Variants in CNBD1 observed in about 807,000 individuals in gnomAD.
CNBD1 encodes the protein cyclic nucleotide binding domain containing 1.
Under a neutral mutation model 54.4 loss-of-function variants are expected in CNBD1, and 71 were observed. The observed-to-expected ratio is 1.30, with a 90% CI of 1.08 to 1.59. The LOEUF is 1.59. Among genes scored for constraint, CNBD1 ranks in the 40% most tolerant of loss-of-function variants. CNBD1 has a pLI of 0.00. For missense variants in CNBD1, 659 were observed against 518.0 expected (o/e 1.27, Z -2.64); for synonymous variants, 182 against 170.7 (o/e 1.07, Z -0.51).
chr8:87,312,048 C>T (rs1023499578), intron 8 of CNBD1, among the ~76,000 whole-genome samples: 4 of 151,928 alleles, frequency 2.6e-5, no homozygotes, highest in South Asian at 2.1e-4. Context: ...CACAGCATCA[C>T]GCGATATACC....
intron 4 of CNBD1, among the ~76,000 whole-genome samples, chr8:87,199,493 A>G (rs995577241): frequency 3.3e-5 from 5 of 152,172 alleles, no homozygotes; most frequent in Non-Finnish European, 1.5e-5. Flanking sequence ...CATCACCTGC[A>G]ATAGTTTCTT....
At chr8:87,266,822 G>A (rs549354268) in intron 6 of CNBD1, among the ~76,000 whole-genome samples, 3 of 151,980 alleles carry the variant, frequency 2.0e-5, no homozygotes, top group African/African-American at 7.2e-5. Context: ...TTTGGGTAAG[G>A]GCAGTTGGTT....
chr8:86,909,230 A>G (rs1005499031), intron 3 of CNBD1, among the ~76,000 whole-genome samples: 1 of 152,228 alleles, frequency 6.6e-6, no homozygotes, highest in Admixed American at 6.5e-5. Flanking sequence ...TATATTTAGA[A>G]TACATAATTG....
At chr8:87,375,231 C>A (rs1449501104) in intron 10 of CNBD1, among the ~76,000 whole-genome samples, 1 of 151,534 alleles carries the variant, frequency 6.6e-6, no homozygotes, top group East Asian at 1.9e-4. Flanking sequence ...CAATCTCTGA[C>A]AACACTGTTT....
intron 4 of CNBD1, among the ~76,000 whole-genome samples, chr8:87,065,805 G>T (rs1334447948): frequency 6.6e-6 from 1 of 151,890 alleles, no homozygotes; most frequent in Admixed American, 6.6e-5. Flanking sequence ...ACTGGGACTT[G>T]CTCAAAGACA....
intron 4 of CNBD1, among the ~76,000 whole-genome samples, chr8:86,968,325 T>A (rs1396151215): frequency 6.6e-6 from 1 of 152,158 alleles, no homozygotes; most frequent in East Asian, 1.9e-4. Flanking sequence ...GTTCTGGGGG[T>A]AAAATTCACA....
At chr8:87,032,356 A>G (rs968890797) in intron 4 of CNBD1, among the ~76,000 whole-genome samples, 9 of 152,206 alleles carry the variant, frequency 5.9e-5, no homozygotes, top group Non-Finnish European at 1.2e-4. Context: ...ACAGTCAACA[A>G]ACATATTTTT....
At chr8:87,396,810 G>A (rs76777001) in intron 2 of CNBD1, among the ~76,000 whole-genome samples, 11 of 149,870 alleles carry the variant, frequency 7.3e-5, no homozygotes, top group African/African-American at 1.7e-4. Context: ...CCACCCCCTC[G>A]CTTAAAGTAT....
chr8:87,268,147 A>G lies in CNBD1; in HGVS notation c.772-16531A>G, dbSNP rs1450397489. Among the ~76,000 whole-genome samples the G allele has an allele frequency of 5.3e-5, 8 of 151,960 alleles. No homozygotes were observed. The South Asian group carries it at 1.5e-3, about 28-fold the overall frequency. Reference sequence around the variant, plus strand: ...AGTCCCCAGGGTCTATCAGTCCCATATTTGTGTCCATGTGTATTCAATGTT... The same window carrying G: ...AGTCCCCAGGGTCTATCAGTCCCATGTTTGTGTCCATGTGTATTCAATGTT... On this transcript the variant is annotated intron_variant, in intron 6 of 10. Transcript: ENST00000518476.
chr8:87,358,183 T>A (rs1470305541), intron 10 of CNBD1, among the ~76,000 whole-genome samples: 2 of 152,166 alleles, frequency 1.3e-5, no homozygotes, highest in African/African-American at 4.8e-5. Context: ...CCTTGGGTAT[T>A]CCTTCATAGC....
At chr8:87,023,184 A>G (rs1427024106) in intron 4 of CNBD1, among the ~76,000 whole-genome samples, 1 of 152,118 alleles carries the variant, frequency 6.6e-6, no homozygotes. Context: ...CATTGAATCT[A>G]TTTTGCATGA....
intron 2 of CNBD1, among the ~76,000 whole-genome samples, chr8:87,424,740 G>C (rs1166224524): frequency 6.6e-6 from 1 of 152,120 alleles, no homozygotes; most frequent in Non-Finnish European, 1.5e-5. Context: ...CTTTCTCTCT[G>C]GCTGCCCTTA....
chr8:86,940,367 A>G (rs1809632744), intron 4 of CNBD1, among the ~76,000 whole-genome samples: 1 of 152,046 alleles, frequency 6.6e-6, no homozygotes, highest in Admixed American at 6.6e-5. Context: ...GGGTTTCACC[A>G]TGTTGGCCAG....
chr8:87,097,490 G>C (rs2130688403), intron 4 of CNBD1, among the ~76,000 whole-genome samples: 1 of 152,270 alleles, frequency 6.6e-6, no homozygotes, highest in Middle Eastern at 3.4e-3. Context: ...TTCTTCACTT[G>C]ACAAGCACAA....
At chr8:87,334,297 AC>A (rs1398653686) in intron 8 of CNBD1, among the ~76,000 whole-genome samples, 6 of 150,518 alleles carry the variant, frequency 4.0e-5, no homozygotes, top group Non-Finnish European at 7.4e-5. Context: ...CTAGCTAGCA[AC>A]CTATTTTTTA....
At chr8:87,354,383 A>G (rs1441142422) in intron 10 of CNBD1, among the ~76,000 whole-genome samples, 3 of 151,818 alleles carry the variant, frequency 2.0e-5, no homozygotes, top group East Asian at 3.9e-4. Flanking sequence ...GGGTACTTTA[A>G]TTCTCTAGGA....
At chr8:86,971,141 A>G (rs576906419) in intron 4 of CNBD1, among the ~76,000 whole-genome samples, 3 of 152,292 alleles carry the variant, frequency 2.0e-5, no homozygotes, top group African/African-American at 7.2e-5. Flanking sequence ...GCAACTTATA[A>G]AGAAAATAGG....
chr8:87,084,953 C>T (rs1407310087), intron 4 of CNBD1, among the ~76,000 whole-genome samples: 6 of 152,158 alleles, frequency 3.9e-5, no homozygotes, highest in African/African-American at 1.2e-4. Context: ...GGATTACAGG[C>T]GTGAGCCACT....
At chr8:87,159,956 C>A (rs905177762) in intron 4 of CNBD1, among the ~76,000 whole-genome samples, 4 of 151,484 alleles carry the variant, frequency 2.6e-5, no homozygotes, top group African/African-American at 9.7e-5. Context: ...CAACCATACA[C>A]ACCAACCAAT....
Sources: allele counts gnomAD v4.1 joint callset (sites outside exome capture counted in the v4.1 genomes callset), GRCh38; gene constraint gnomAD v4.1.1; transcripts MANE v1.5; gene names NCBI Gene and HGNC (gene_info 2026-07-23, HGNC 2026-07-21).